The following NAV3 variants were observed in gnomAD, a reference collection of about 807,000 sequenced individuals.
NAV3 encodes the protein pore membrane and/or filament interacting like protein 1.
Under a neutral mutation model 244.7 loss-of-function variants are expected in NAV3, and 87 were observed. The observed-to-expected ratio is 0.36, with a 90% CI of 0.30 to 0.42. The LOEUF (loss-of-function observed/expected upper bound fraction) is 0.42, where lower values mean the gene tolerates loss of function less well. Among genes scored for constraint, NAV3 ranks in the 20% least tolerant of loss-of-function variants. The pLI is 1.00. For synonymous variants in NAV3, 1,126 were observed against 1,042.2 expected (o/e 1.08, Z -1.55); for missense variants, 2,663 against 2,893.3 (o/e 0.92, Z 1.83).
At chr12:78,174,649 A>G (rs1958145330) in intron 24 of NAV3, among the ~76,000 whole-genome samples, 1 of 151,928 alleles carries the variant, frequency 6.6e-6, no homozygotes, top group Admixed American at 6.6e-5. Context: ...GTAGGGGTAC[A>G]TTGGAAGAAT....
chr12:77,797,419 T>G (rs1435640124), intron 2 of NAV3, among the ~76,000 whole-genome samples: 1 of 151,930 alleles, frequency 6.6e-6, no homozygotes, highest in Non-Finnish European at 1.5e-5. Flanking sequence ...TTAATAAAAG[T>G]TTGTTATTAT....
chr12:78,027,211 C>T (rs913122626), intron 9 of NAV3, among the ~76,000 whole-genome samples: 7 of 151,616 alleles, frequency 4.6e-5, no homozygotes, highest in South Asian at 2.1e-4. Flanking sequence ...CAAGGCAGGA[C>T]GACTGCCTGA....
At chr12:78,019,793 T>C (rs1287868204) in intron 8 of NAV3, among the ~76,000 whole-genome samples, 1 of 152,068 alleles carries the variant, frequency 6.6e-6, no homozygotes, top group East Asian at 1.9e-4. Context: ...GACCCAACCA[T>C]GCAAGACCTT....
At chr12:77,836,791 T>G (rs1874722552) in intron 1 of NAV3, among the ~76,000 whole-genome samples, 1 of 152,168 alleles carries the variant, frequency 6.6e-6, no homozygotes, top group Non-Finnish European at 1.5e-5. Context: ...GTGTGGATGC[T>G]ATAAGGGAGG....
intron 1 of NAV3, among the ~76,000 whole-genome samples, chr12:77,917,279 A>G (rs1031587896): frequency 2.1e-4 from 32 of 152,108 alleles, no homozygotes; most frequent in Non-Finnish European, 3.1e-4. Flanking sequence ...TTTACCCAAG[A>G]TTATAAAGGT....
intron 2 of NAV3, among the ~76,000 whole-genome samples, chr12:77,759,108 T>G (rs1437607558): frequency 6.6e-6 from 1 of 152,240 alleles, no homozygotes; most frequent in East Asian, 1.9e-4. Flanking sequence ...CCAGTCTATA[T>G]GAATGCTTCC....
At chr12:77,573,075 G>T (rs2136645964) in intron 2 of NAV3, among the ~76,000 whole-genome samples, 1 of 152,290 alleles carries the variant, frequency 6.6e-6, no homozygotes, top group Non-Finnish European at 1.5e-5. Flanking sequence ...GTACAGGATA[G>T]GTGTGTGGGG....
intron 11 of NAV3, among the ~76,000 whole-genome samples, chr12:78,055,901 C>T (rs1306778201): frequency 6.6e-6 from 1 of 152,140 alleles, no homozygotes; most frequent in East Asian, 1.9e-4. Flanking sequence ...TTAAAAAATG[C>T]TGTTATAGAC....
intron 1 of NAV3, among the ~76,000 whole-genome samples, chr12:77,864,690 C>T (rs758133368): frequency 1.3e-4 from 19 of 151,948 alleles, no homozygotes; most frequent in Non-Finnish European, 1.9e-4. Context: ...TACCATGCAT[C>T]ATATTGCCCA....
chr12:77,656,976 T>C (rs1182993240), intron 2 of NAV3, among the ~76,000 whole-genome samples: 1 of 152,124 alleles, frequency 6.6e-6, no homozygotes, highest in African/African-American at 2.4e-5. Context: ...GAGGGAAATT[T>C]ATAGCACTAA....
In NAV3 at chr12:77,831,207, G is replaced by A. The variant is rs1030939174; in HGVS notation, c.-255G>A. The A allele has an allele frequency of 1.7e-5, 5 of 289,138 alleles. No homozygotes were observed. The highest frequency in any genetic ancestry group is 2.3e-5 in the African/African-American group (1 of 43,958). The allele number at this position is 289,138 out of a possible 1,614,324, so 17.9% of individuals were successfully genotyped here. A position where few individuals can be genotyped will look rare whatever the true frequency, so the allele number is the denominator to read the frequency against. ...AGAGAGAGAGAGACAGAGAGAGAGAGAGAGAGAGAGAAAGAGAGAGAGAGA... is the reference window on the plus strand; with the variant it reads ...AGAGAGAGAGAGACAGAGAGAGAGAAAGAGAGAGAGAAAGAGAGAGAGAGA... On this transcript the variant is annotated 5_prime_UTR_variant, in exon 1 of 40. Coordinates refer to ENST00000397909, the MANE Select transcript of NAV3 (RefSeq NM_001024383.2).
intron 12 of NAV3, among the ~76,000 whole-genome samples, chr12:78,092,872 G>T (rs545241889): frequency 6.6e-6 from 1 of 152,246 alleles, no homozygotes; most frequent in South Asian, 2.1e-4. Context: ...GCTATCTTAG[G>T]TTAGGAAATA....
At chr12:78,001,727 A>G (rs1265906861) in intron 7 of NAV3, among the ~76,000 whole-genome samples, 1 of 152,236 alleles carries the variant, frequency 6.6e-6, no homozygotes, top group East Asian at 1.9e-4. Context: ...GTAGTAGGTT[A>G]TCATTGGCAG....
chr12:77,677,813 A>T (rs1472027253), intron 2 of NAV3, among the ~76,000 whole-genome samples: 1 of 152,236 alleles, frequency 6.6e-6, no homozygotes, highest in Non-Finnish European at 1.5e-5. Flanking sequence ...CTAATGTAAC[A>T]AATACATTGC....
chr12:77,766,633 C>T (rs532843161), intron 2 of NAV3, among the ~76,000 whole-genome samples: 3 of 150,640 alleles, frequency 2.0e-5, no homozygotes, highest in African/African-American at 7.3e-5. Flanking sequence ...AAATTCTCAA[C>T]TTCAGTCTCT....
intron 2 of NAV3, among the ~76,000 whole-genome samples, chr12:77,784,251 C>T (rs1483437606): frequency 6.6e-6 from 1 of 152,098 alleles, no homozygotes; most frequent in Non-Finnish European, 1.5e-5. Context: ...ATGATGTCCC[C>T]TCTCCCCTAG....
chr12:78,012,974 T>C (rs1209420930), intron 8 of NAV3, among the ~76,000 whole-genome samples: 3 of 152,076 alleles, frequency 2.0e-5, no homozygotes, highest in Non-Finnish European at 4.4e-5. Context: ...TATCATCCTG[T>C]GTTAGAATCA....
intron 2 of NAV3, among the ~76,000 whole-genome samples, chr12:77,587,450 C>A (rs1313178212): frequency 6.6e-6 from 1 of 152,120 alleles, no homozygotes; most frequent in East Asian, 1.9e-4. Context: ...TTATTGTTTT[C>A]TTGCCAAATG....
upstream of NAV3, among the ~76,000 whole-genome samples, chr12:77,829,064 C>G (rs1166044596): frequency 6.6e-6 from 1 of 151,932 alleles, no homozygotes; most frequent in African/African-American, 2.4e-5. Flanking sequence ...AGCAGGAGCC[C>G]TTTTGGCTCA....
Sources: allele counts gnomAD v4.1 joint callset (sites outside exome capture counted in the v4.1 genomes callset), GRCh38; gene constraint gnomAD v4.1.1; transcripts MANE v1.5; gene names NCBI Gene and HGNC (gene_info 2026-07-23, HGNC 2026-07-21).